Variants in TRAK2 observed in about 807,000 individuals in gnomAD.
The protein encoded by TRAK2 is trafficking kinesin-binding protein 2.
Under a neutral mutation model 104.6 loss-of-function variants are expected in TRAK2, and 81 were observed. That is an observed-to-expected ratio of 0.77 (90% CI 0.65 to 0.93). TRAK2 has a LOEUF of 0.93. Ranked by LOEUF, TRAK2 falls within the 40% of genes least tolerant of loss-of-function variation. The probability of loss-of-function intolerance (pLI) is 0.00; values close to 1 mark genes in which losing one functional copy is unlikely to be tolerated. For synonymous variants in TRAK2, 406 were observed against 394.4 expected, an observed-to-expected ratio of 1.03 and a Z score of -0.35; for missense variants, 1,002 against 1,089.0, an observed-to-expected ratio of 0.92 and a Z score of 1.12.
At chr2:201,391,885 G>C (rs1434284148) in intron 10 of TRAK2, among the ~76,000 whole-genome samples, 2 of 152,122 alleles carry the variant, frequency 1.3e-5, no homozygotes, top group Non-Finnish European at 2.9e-5. Context: ...GTCCCAGATG[G>C]AAACAACAAA....
At chr2:201,407,283 A>C in intron 3 of TRAK2, 120 bp downstream of exon 3, 1 of 817,146 alleles carries the variant, frequency 1.2e-6, no homozygotes, top group African/African-American at 1.8e-5. Flanking sequence ...AATCAGTTCA[A>C]ATAAAAGTAG....
chr2:201,405,318 T>C (rs1414770270), intron 3 of TRAK2, among the ~76,000 whole-genome samples: 4 of 152,212 alleles, frequency 2.6e-5, no homozygotes, highest in South Asian at 2.1e-4. Flanking sequence ...GAAGTAATAA[T>C]TTCTATGACC....
intron 1 of TRAK2, among the ~76,000 whole-genome samples, chr2:201,439,795 G>C (rs1039744694): frequency 8.0e-5 from 12 of 150,706 alleles, no homozygotes; most frequent in African/African-American, 2.7e-4. Context: ...GGACATGGAT[G>C]AAATTGGAAA....
At chr2:201,395,676 A>C (rs1328845167) in intron 7 of TRAK2, among the ~76,000 whole-genome samples, 4 of 152,192 alleles carry the variant, frequency 2.6e-5, no homozygotes, top group Non-Finnish European at 5.9e-5. Context: ...AAGAGAGACG[A>C]CTTATAAAGG....
chr2:201,386,624 G>T, intron 13 of TRAK2, 140 bp from the exon 14 acceptor site: 1 of 1,171,670 alleles, frequency 8.5e-7, no homozygotes, highest in Non-Finnish European at 1.2e-6. Context: ...TTTGGTAAAA[G>T]CTGCAAATTA....
At chr2:201,411,874 T>C (rs1258890744) in intron 2 of TRAK2, 4 of 995,042 alleles carry the variant, frequency 4.0e-6, no homozygotes, top group Middle Eastern at 4.4e-4. Context: ...GTATGTTTCA[T>C]GATGGGTAGT....
chr2:201,379,135 T>G lies in TRAK2; in HGVS notation c.*1408A>C, dbSNP rs1951314637. Reference sequence around the variant, plus strand: ...TGTCTTTTGTATAAAGACATTTCTTTCTGAACTGCGTGCTGTCTAGACAAA... The same window carrying G: ...TGTCTTTTGTATAAAGACATTTCTTGCTGAACTGCGTGCTGTCTAGACAAA... On this transcript the variant is annotated 3_prime_UTR_variant, in exon 16 of 16. Coordinates refer to ENST00000332624, the MANE Select transcript of TRAK2 (RefSeq NM_015049.3). 6.6e-6 allele frequency: 1 copy of G among 152,208 alleles called. No individual in the cohort carries two copies. Among genetic ancestry groups the G allele is most frequent in the African/African-American group, 2.4e-5 (1 of 41,452 alleles). The allele number at this position is 152,208 out of a possible 1,614,324, so 9.4% of individuals were successfully genotyped here.
intron 1 of TRAK2, among the ~76,000 whole-genome samples, chr2:201,440,066 C>G (rs556614599): frequency 6.7e-6 from 1 of 149,364 alleles, no homozygotes; most frequent in Non-Finnish European, 1.5e-5. Flanking sequence ...CACATGTACC[C>G]TAAAACTTAA....
chr2:201,411,913 GT>G, intron 2 of TRAK2: 1 of 1,039,680 alleles, frequency 9.6e-7, no homozygotes, highest in Non-Finnish European at 1.5e-6. Context: ...TTGGAATGAT[GT>G]TTAGACAGAG....
chr2:201,380,490 A>C lies in TRAK2; in HGVS notation c.*53T>G, dbSNP rs572667381. 3 of 1,540,034 alleles carry C rather than the reference A, an allele frequency of 1.9e-6. No individual in the cohort carries two copies. The East Asian group carries it at 6.8e-5, about 35-fold the overall frequency. Reference sequence around the variant, plus strand: ...CAGACCAGACCACATGTTTCAGTGCATATCTATCCTTCATGTGCTAACTTG... The same window carrying C: ...CAGACCAGACCACATGTTTCAGTGCCTATCTATCCTTCATGTGCTAACTTG... On this transcript the variant is annotated 3_prime_UTR_variant, in exon 16 of 16. Transcript: ENST00000332624.
chr2:201,417,025 A>C (rs1951697464), intron 2 of TRAK2, among the ~76,000 whole-genome samples: 1 of 141,280 alleles, frequency 7.1e-6, no homozygotes, highest in South Asian at 2.3e-4. Flanking sequence ...TTTTTAGAAA[A>C]GACCCCATTA....
intron 2 of TRAK2, chr2:201,412,521 T>G: frequency 8.4e-7 from 1 of 1,190,688 alleles, no homozygotes; most frequent in East Asian, 2.3e-5. Context: ...CAAATATATG[T>G]TTCCTTTTAT....
intron 2 of TRAK2, chr2:201,412,010 G>C: frequency 1.0e-6 from 1 of 1,003,696 alleles, no homozygotes; most frequent in Non-Finnish European, 1.6e-6. Flanking sequence ...AGGGGTTTTG[G>C]TTAGTAGCAA....
At chr2:201,401,959 T>C (rs1229702217) in intron 3 of TRAK2, among the ~76,000 whole-genome samples, 2 of 152,176 alleles carry the variant, frequency 1.3e-5, no homozygotes, top group South Asian at 2.1e-4. Context: ...CTAGTTTGCC[T>C]TGAAGTGTGA....
In TRAK2 at chr2:201,388,017, G is replaced by A. The variant is rs759052845; in HGVS notation, c.1398-16C>T. 35 of 1,613,552 alleles carry A rather than the reference G, an allele frequency of 2.2e-5. No homozygotes were observed. The East Asian group carries it at 3.8e-4, about 17-fold the overall frequency. On this transcript the variant is annotated splice_polypyrimidine_tract_variant and intron_variant, in intron 12 of 15. Transcript: ENST00000332624. ...CTGGGAGCTCCTATAGGAAAATCGC[G>A]TTCACTGATTAGATCTTGAGGATCA...
chr2:201,448,780 C>T (rs1367281422), intron 1 of TRAK2, among the ~76,000 whole-genome samples: 1 of 152,220 alleles, frequency 6.6e-6, no homozygotes. Flanking sequence ...CACTCTGTCA[C>T]TCAAGCTGGA....
At chr2:201,434,213 T>G (rs1285288533) in intron 1 of TRAK2, among the ~76,000 whole-genome samples, 1 of 152,112 alleles carries the variant, frequency 6.6e-6, no homozygotes. Context: ...CACCTCAGCC[T>G]CCCAAAGTGC....
Position 201,379,560 on chromosome 2 carries a change from T to C in TRAK2, c.*983A>G, listed in dbSNP as rs1347310156. 6.6e-6 allele frequency: 1 copy of C among 152,598 alleles called. No individual in the cohort carries two copies. The highest frequency in any genetic ancestry group is 1.5e-5 in the Non-Finnish European group (1 of 68,022). 9.5% of individuals were successfully genotyped at this position (152,598 alleles called of 1,614,324 possible). A position where few individuals can be genotyped will look rare whatever the true frequency, so the allele number is the denominator to read the frequency against. On this transcript the variant is annotated 3_prime_UTR_variant, in exon 16 of 16. Coordinates refer to ENST00000332624, the MANE Select transcript of TRAK2 (RefSeq NM_015049.3). ...CATAGCGCACTTTGGAAAAAGTTGG[T>C]TTAGTTGTCACCAACTTTTCTTACA...
intron 9 of TRAK2, among the ~76,000 whole-genome samples, chr2:201,394,301 C>T (rs879737212): frequency 7.9e-5 from 12 of 150,988 alleles, no homozygotes; most frequent in Non-Finnish European, 1.8e-4. Flanking sequence ...TACCACGTTA[C>T]TAGTTTTAGG....
Sources: gnomAD v4.1 joint callset for allele counts (sites outside exome capture counted in the v4.1 genomes callset) on GRCh38, gnomAD v4.1.1 for gene constraint, MANE v1.5 for transcripts, NCBI Gene and HGNC (gene_info 2026-07-23, HGNC 2026-07-21) for gene names.